DPY30: variants seen among roughly 807,000 people sequenced by gnomAD.
DPY30 encodes dpy-30 histone methyltransferase complex regulatory subunit, also known as protein dpy-30 homolog.
In DPY30, 6 loss-of-function variants were observed where a neutral mutation model predicts 16.2. The observed-to-expected ratio is 0.37, with a 90% CI of 0.20 to 0.73. The LOEUF (loss-of-function observed/expected upper bound fraction) is 0.73, where lower values mean the gene tolerates loss of function less well. DPY30 is among the 30% of genes least tolerant of loss of function. DPY30 has a pLI of 0.51. For missense variants in DPY30, 73 were observed against 113.1 expected (o/e 0.65, Z 1.61); for synonymous variants, 39 against 38.8 (o/e 1.00, Z -0.02).
intron 5 of DPY30, among the ~76,000 whole-genome samples, chr2:32,012,419 C>CT (rs397984233): frequency 0.061 from 5,015 of 81,946 alleles, 857 homozygotes; most frequent in Non-Finnish European, 0.091. Context: ...TCTCTTTTTT[C>CT]TTTTTTTTTT....
At chr2:32,039,695 A>T (rs1326921425) in intron 1 of DPY30, 38 bp downstream of exon 1, 1 of 591,370 alleles carries the variant, frequency 1.7e-6, no homozygotes, top group Non-Finnish European at 3.0e-6. Flanking sequence ...CCAAGTACCT[A>T]GAATAAGTGA....
chr2:32,037,374 G>A (rs1675785110), intron 3 of DPY30, among the ~76,000 whole-genome samples: 1 of 151,994 alleles, frequency 6.6e-6, no homozygotes, highest in African/African-American at 2.4e-5. Context: ...GTGCAATTAG[G>A]GCTCACTGCA....
intron 4 of DPY30, among the ~76,000 whole-genome samples, chr2:32,025,393 G>C (rs969413396): frequency 6.6e-6 from 1 of 152,014 alleles, no homozygotes; most frequent in South Asian, 2.1e-4. Context: ...AACCCGGGAG[G>C]TGGAGGTTGC....
intron 5 of DPY30, among the ~76,000 whole-genome samples, chr2:32,014,436 T>G (rs1675024852): frequency 1.3e-5 from 2 of 151,676 alleles, no homozygotes; most frequent in African/African-American, 2.4e-5. Context: ...TGCAATGAGC[T>G]ATGATCACAC....
chr2:32,022,705 A>G (rs546487593), downstream of DPY30, among the ~76,000 whole-genome samples: 27 of 151,922 alleles, frequency 1.8e-4, no homozygotes, highest in African/African-American at 6.5e-4. Flanking sequence ...TTTAGTAGAG[A>G]CAGGGTTTCA....
chr2:32,029,248 G>A lies in DPY30; in HGVS notation c.227+346C>T, dbSNP rs564116367. 5.9e-5 allele frequency among the ~76,000 whole-genome samples: 9 copies of A among 152,260 alleles called. No homozygotes were observed. In the South Asian group the frequency reaches 1.2e-3, roughly 21 times the overall value. On this transcript the variant is annotated intron_variant, in intron 4 of 4. Coordinates refer to ENST00000342166, the MANE Select transcript of DPY30 (RefSeq NM_001321209.2). ...ATCATACCACCGTCCTCCAGCCTGGGCAACAGAGCTAGATTCTGTTTCAAA... is the reference window on the plus strand; with the variant it reads ...ATCATACCACCGTCCTCCAGCCTGGACAACAGAGCTAGATTCTGTTTCAAA...
chr2:32,031,293 A>ACCTGTAC (rs1157770532), intron 3 of DPY30, among the ~76,000 whole-genome samples: 6 of 151,680 alleles, frequency 4.0e-5, no homozygotes, highest in Admixed American at 2.0e-4. Flanking sequence ...GGTAGTGCAC[A>ACCTGTAC]CCTGTACTCC....
downstream of DPY30, chr2:32,023,637 CT>C: frequency 2.1e-6 from 2 of 965,982 alleles, no homozygotes; most frequent in Non-Finnish European, 2.9e-6. Context: ...CTTTGCAATG[CT>C]TTTATTAGTA....
downstream of DPY30, among the ~76,000 whole-genome samples, chr2:32,020,224 C>T (rs1378632294): frequency 6.6e-6 from 1 of 150,620 alleles, no homozygotes; most frequent in Non-Finnish European, 1.5e-5. Flanking sequence ...ATAGGCTGGG[C>T]ACAGTGGCTC....
intron 4 of DPY30, among the ~76,000 whole-genome samples, chr2:32,025,391 A>C (rs1485540962): frequency 6.6e-6 from 1 of 152,014 alleles, no homozygotes; most frequent in Non-Finnish European, 1.5e-5. Context: ...TGAACCCGGG[A>C]GGTGGAGGTT....
At position 32,024,047 on chromosome 2, in the gene DPY30, G is replaced by A; in HGVS notation, c.*137C>T. ...AAATAAGGGAAATATGTTATCTTCTGCAATTCCAGAAATAGGTTCTGTTGT... is the reference window on the plus strand; with the variant it reads ...AAATAAGGGAAATATGTTATCTTCTACAATTCCAGAAATAGGTTCTGTTGT... On this transcript the variant is annotated 3_prime_UTR_variant, in exon 5 of 5. Coordinates refer to ENST00000342166, the MANE Select transcript of DPY30 (RefSeq NM_001321209.2). 6.7e-7 allele frequency: 1 copy of A among 1,495,218 alleles called. No individual in the cohort carries two copies. The highest frequency in any genetic ancestry group is 8.8e-7 in the Non-Finnish European group (1 of 1,130,398). 92.6% of individuals were successfully genotyped at this position (1,495,218 alleles called of 1,614,324 possible). A position where few individuals can be genotyped will look rare whatever the true frequency, so the allele number is the denominator to read the frequency against.
rs1368994422 is a variant in DPY30, at chr2:32,031,277, G to A, written c.85-1541C>T. 9.2e-5 allele frequency among the ~76,000 whole-genome samples: 14 copies of A among 151,732 alleles called. No homozygotes were observed. In the East Asian group the frequency reaches 1.6e-3, roughly 17 times the overall value. ...TCTACTAATAATACAAAAATTAGCCGGGCGTGGTAGTGCACACCTGTACTC... is the reference window on the plus strand; with the variant it reads ...TCTACTAATAATACAAAAATTAGCCAGGCGTGGTAGTGCACACCTGTACTC... On this transcript the variant is annotated intron_variant, in intron 3 of 4. Transcript: ENST00000342166.
At position 32,018,438 on chromosome 2, in the gene DPY30, A is replaced by C. The variant is rs561069648; in HGVS notation, n.377+4984T>G. Reference sequence around the variant, plus strand: ...TATAGAATATTTTTAAGTTTAAAAAAAAATGTCAGCCAGGCACAGTGGCTC... The same window carrying C: ...TATAGAATATTTTTAAGTTTAAAAACAAATGTCAGCCAGGCACAGTGGCTC... On this transcript the variant is annotated intron_variant and non_coding_transcript_variant, in intron 5 of 5. Transcript: ENST00000414013. 4.6e-5 allele frequency among the ~76,000 whole-genome samples: 7 copies of C among 152,324 alleles called. No individual in the cohort carries two copies. In the South Asian group the frequency reaches 1.2e-3, roughly 27 times the overall value.
chr2:32,034,243 A>G (rs1186541084), intron 3 of DPY30, among the ~76,000 whole-genome samples: 1 of 152,224 alleles, frequency 6.6e-6, no homozygotes, highest in Non-Finnish European at 1.5e-5. Flanking sequence ...TTGCATTGCT[A>G]TAAAGAAATA....
At chr2:32,024,424 G>C (rs1253184378) in intron 4 of DPY30, among the ~76,000 whole-genome samples, 168 bp from the exon 5 acceptor site, 1 of 152,114 alleles carries the variant, frequency 6.6e-6, no homozygotes, top group African/African-American at 2.4e-5. Flanking sequence ...AAATTAATTA[G>C]CCAACAAAAT....
intron 3 of DPY30, among the ~76,000 whole-genome samples, chr2:32,039,030 A>T (rs1370041016): frequency 6.6e-6 from 1 of 152,208 alleles, no homozygotes; most frequent in East Asian, 1.9e-4. Context: ...AAAATGATTC[A>T]GACAGTATCC....
chr2:32,016,072 T>C (rs1334133594), intron 5 of DPY30, among the ~76,000 whole-genome samples: 1 of 152,016 alleles, frequency 6.6e-6, no homozygotes, highest in Non-Finnish European at 1.5e-5. Context: ...CTAATTTTTA[T>C]ATTTTTAGCA....
downstream of DPY30, chr2:32,023,898 A>C (rs1675240386): frequency 1.5e-6 from 2 of 1,334,692 alleles, no homozygotes; most frequent in Non-Finnish European, 2.0e-6. Flanking sequence ...AAACTACTTT[A>C]AAATAATGGT....
At chr2:32,026,082 G>A (rs886531268) in intron 4 of DPY30, among the ~76,000 whole-genome samples, 6 of 151,950 alleles carry the variant, frequency 3.9e-5, no homozygotes, top group African/African-American at 1.5e-4. Context: ...TATTCCAGCT[G>A]GGGCAACAGA....
Sources: gnomAD v4.1 joint callset for allele counts (sites outside exome capture counted in the v4.1 genomes callset) on GRCh38, gnomAD v4.1.1 for gene constraint, MANE v1.5 for transcripts, NCBI Gene and HGNC (gene_info 2026-07-23, HGNC 2026-07-21) for gene names.